The following VSTM2B variants were observed in gnomAD, a reference collection of about 807,000 sequenced individuals.
The protein encoded by VSTM2B is V-set and transmembrane domain containing 2B, also known as V-set and transmembrane domain-containing protein 2B.
In VSTM2B, 24 loss-of-function variants were observed where a neutral mutation model predicts 24.0. The ratio of observed to expected loss-of-function variants is 1.00; its 90% CI spans 0.72 to 1.40. The LOEUF (loss-of-function observed/expected upper bound fraction) is 1.40. Among genes scored for constraint, VSTM2B ranks in the 40% most tolerant of loss-of-function variants. The pLI is 0.00. For missense variants in VSTM2B, 399 were observed against 416.4 expected (o/e 0.96, Z 0.36); for synonymous variants, 226 against 194.4 (o/e 1.16, Z -1.35).
intron 1 of VSTM2B, 186 bp from the exon 2 acceptor site, chr19:29,527,025 C>G (rs993506583): frequency 1.8e-6 from 1 of 559,924 alleles, no homozygotes; most frequent in Non-Finnish European, 3.1e-6. Flanking sequence ...AGCCGATGGC[C>G]GGTCCCTGCC....
chr19:29,534,059 G>C (rs1433668490), intron 4 of VSTM2B, among the ~76,000 whole-genome samples: 1 of 152,214 alleles, frequency 6.6e-6, no homozygotes, highest in African/African-American at 2.4e-5. Flanking sequence ...CATTCAAACA[G>C]GGTCACTGGG....
chr19:29,558,117 A>G (rs2145514414), intron 4 of VSTM2B, among the ~76,000 whole-genome samples: 1 of 152,292 alleles, frequency 6.6e-6, no homozygotes, highest in Admixed American at 6.5e-5. Flanking sequence ...ATAAAGCTCA[A>G]CATCACTGAT....
At chr19:29,554,524 T>C (rs1970363909) in intron 4 of VSTM2B, among the ~76,000 whole-genome samples, 1 of 152,024 alleles carries the variant, frequency 6.6e-6, no homozygotes, top group Non-Finnish European at 1.5e-5. Context: ...GTCTGCAAAA[T>C]AACCAACCAG....
chr19:29,528,571 A>G, intron 3 of VSTM2B, 109 bp downstream of exon 3: 1 of 1,358,360 alleles, frequency 7.4e-7, no homozygotes, highest in Non-Finnish European at 1.0e-6. Context: ...GGGCCGCGCA[A>G]GTAGGGCAGC....
chr19:29,530,028 C>T lies in VSTM2B; in HGVS notation c.507C>T (p.Ser169=), dbSNP rs1187292102. The T allele has an allele frequency of 6.5e-7, 1 of 1,529,962 alleles. No homozygotes were observed. Among genetic ancestry groups the T allele is most frequent in the South Asian group, 1.2e-5 (1 of 82,858 alleles). 94.8% of individuals were successfully genotyped at this position (1,529,962 alleles called of 1,614,324 possible). A position where few individuals can be genotyped will look rare whatever the true frequency, so the allele number is the denominator to read the frequency against. Residue 169 remains serine, a synonymous_variant, in exon 4 of 5, where the codon AGC becomes AGT. Transcript: ENST00000335523. ...AAEAVSHIQS[S]GPRRHGPASA... The stretch of plus-strand genomic sequence containing the variant: ...AGGCCGTGTCCCACATCCAGAGCAG[C>T]GGCCCGCGTCGCCACGGCCCAGCCA...
chr19:29,561,806 C>T (rs1467154731), intron 4 of VSTM2B, among the ~76,000 whole-genome samples: 1 of 152,186 alleles, frequency 6.6e-6, no homozygotes, highest in African/African-American at 2.4e-5. Context: ...TCGTCCATCA[C>T]ATCCGCCTGT....
At chr19:29,533,353 A>G (rs558219825) in intron 4 of VSTM2B, among the ~76,000 whole-genome samples, 6 of 152,156 alleles carry the variant, frequency 3.9e-5, no homozygotes, top group Non-Finnish European at 8.8e-5. Context: ...CCTGGGATAG[A>G]AGTACAGTGG....
At chr19:29,531,328 T>C (rs1969753327) in intron 4 of VSTM2B, among the ~76,000 whole-genome samples, 2 of 152,222 alleles carry the variant, frequency 1.3e-5, no homozygotes, top group Admixed American at 6.5e-5. Context: ...CCTGGGAGCC[T>C]GGCTTTGGGT....
intron 3 of VSTM2B, among the ~76,000 whole-genome samples, chr19:29,529,384 G>A (rs944796806): frequency 2.0e-5 from 3 of 152,224 alleles, no homozygotes; most frequent in Admixed American, 2.0e-4. Context: ...GCCGGCTGGG[G>A]CGGGACTGTC....
rs1487909481 is a variant in VSTM2B at position 29,526,957 on chromosome 19, G to C, written c.83-254G>C. ...AGGCTCTGGCGGTGCGGCCAGGGGC[G>C]GGGGAGAAGCACGAGTCGCCCCTGC... On this transcript the variant is annotated intron_variant, in intron 1 of 4. Coordinates refer to ENST00000335523, the MANE Select transcript of VSTM2B (RefSeq NM_001146339.2). This position sits in a 1 kb window ranked among gnomAD's most constrained non-coding sequence, Gnocchi z 4.1. 2.1e-6 allele frequency: 1 copy of C among 469,218 alleles called. No homozygotes were observed. The highest frequency in any genetic ancestry group is 3.7e-6 in the Non-Finnish European group (1 of 270,154). 29.1% of individuals were successfully genotyped at this position (469,218 alleles called of 1,614,324 possible).
chr19:29,530,034 G>T lies in VSTM2B; in HGVS notation c.513G>T (p.Pro171=), dbSNP rs1054139160. 3.9e-6 allele frequency: 6 copies of T among 1,528,326 alleles called. No individual in the cohort carries two copies. The South Asian group carries it at 7.3e-5, about 18-fold the overall frequency. 94.7% of individuals were successfully genotyped at this position (1,528,326 alleles called of 1,614,324 possible). ...EAVSHIQSSG[P]RRHGPASAAN... Reference sequence around the variant, plus strand: ...TGTCCCACATCCAGAGCAGCGGCCCGCGTCGCCACGGCCCAGCCAGCGCCG... The same window carrying T: ...TGTCCCACATCCAGAGCAGCGGCCCTCGTCGCCACGGCCCAGCCAGCGCCG... Residue 171 remains proline, a synonymous_variant, in exon 4 of 5, where the codon CCG becomes CCT. Transcript: ENST00000335523.
chr19:29,562,801 C>T (rs1047286894), intron 4 of VSTM2B, among the ~76,000 whole-genome samples: 10 of 152,036 alleles, frequency 6.6e-5, no homozygotes, highest in South Asian at 2.1e-4. Context: ...CCCTAAGGAC[C>T]GACGGGGAGC....
intron 4 of VSTM2B, among the ~76,000 whole-genome samples, chr19:29,551,324 C>T (rs1970281029): frequency 6.6e-6 from 1 of 152,146 alleles, no homozygotes; most frequent in Admixed American, 6.6e-5. Flanking sequence ...ACTTTTAGCA[C>T]AAGGCATGAA....
At chr19:29,558,960 C>A (rs193105069) in intron 4 of VSTM2B, among the ~76,000 whole-genome samples, 8 of 152,286 alleles carry the variant, frequency 5.3e-5, no homozygotes, top group African/African-American at 1.7e-4. Flanking sequence ...AGTCAGGAAA[C>A]AACAGATGCT....
chr19:29,548,182 T>G (rs966903518), intron 4 of VSTM2B, among the ~76,000 whole-genome samples: 4 of 152,002 alleles, frequency 2.6e-5, no homozygotes, highest in Admixed American at 6.6e-5. Context: ...GTACTCAGGC[T>G]CCTTCCACGT....
Position 29,530,230 on chromosome 19 carries a change from G to A in VSTM2B, c.709G>A (p.Ala237Thr). Residue 237 changes from alanine to threonine, a missense_variant, in exon 4 of 5, where the codon GCC becomes ACC. Physicochemically the swap from Ala to Thr is moderately conservative, Grantham distance 58 (BLOSUM62 0). Coordinates refer to ENST00000335523, the MANE Select transcript of VSTM2B (RefSeq NM_001146339.2). ...CACCACAGTCGCGGCAGCTGCTGCT[G>A]CCTCGTCAGCGTCGCCGCCATCGGG... is the stretch of plus-strand genomic sequence containing the variant. ...PTTTVAAAAA[A>T]SSASPPSGQA... 6.6e-7 allele frequency: 1 copy of A among 1,503,858 alleles called. No individual in the cohort carries two copies. Among genetic ancestry groups the A allele is most frequent in the Non-Finnish European group, 8.8e-7 (1 of 1,133,342 alleles). The allele number at this position is 1,503,858 out of a possible 1,614,324, so 93.2% of individuals were successfully genotyped here. A position where few individuals can be genotyped will look rare whatever the true frequency, so the allele number is the denominator to read the frequency against.
At chr19:29,544,457 C>T (rs1362341931) in intron 4 of VSTM2B, among the ~76,000 whole-genome samples, 2 of 122,784 alleles carry the variant, frequency 1.6e-5, no homozygotes, top group Admixed American at 1.1e-4. Flanking sequence ...ACCCGGGAGG[C>T]GGAGCTTGCA....
At position 29,527,243 on chromosome 19, in the gene VSTM2B, G is replaced by C. The variant is rs1406767581; in HGVS notation, c.115G>C (p.Val39Leu). The part of the protein sequence containing the change: ...AFTEVPKDVT[V>L]REGDDIEMPC... ...CACAGAAGTCCCCAAAGATGTGACA[G>C]TACGGGAGGGAGACGACATCGAAAT... The change falls in exon 2 of 5, where the codon GTA (valine) becomes CTA (leucine). Residue 39 changes from valine to leucine, a missense_variant. Coordinates refer to ENST00000335523, the MANE Select transcript of VSTM2B (RefSeq NM_001146339.2). The C allele has an allele frequency of 6.5e-7, 1 of 1,549,856 alleles. No homozygotes were observed. Among genetic ancestry groups the C allele is most frequent in the African/African-American group, 1.4e-5 (1 of 72,968 alleles).
At chr19:29,557,407 C>A (rs998624269) in intron 4 of VSTM2B, among the ~76,000 whole-genome samples, 11 of 152,164 alleles carry the variant, frequency 7.2e-5, no homozygotes, top group African/African-American at 2.7e-4. Context: ...AGATTAAAGA[C>A]TTAAATGTAA....
Sources: allele counts gnomAD v4.1 joint callset (sites outside exome capture counted in the v4.1 genomes callset), GRCh38; gene constraint gnomAD v4.1.1; non-coding constraint Gnocchi (gnomAD v3.1); transcripts MANE v1.5; gene names NCBI Gene and HGNC (gene_info 2026-07-23, HGNC 2026-07-21).